RAD23B: variants seen among roughly 807,000 people sequenced by gnomAD.
RAD23B encodes the protein lysine-specific demethylase RAD23B.
In RAD23B, 5 loss-of-function variants were observed where a neutral mutation model predicts 49.1. That is an observed-to-expected ratio of 0.10 (90% CI 0.05 to 0.21). The LOEUF (loss-of-function observed/expected upper bound fraction) is 0.21, where lower values mean the gene tolerates loss of function less well. Ranked by LOEUF, RAD23B falls within the 10% of genes least tolerant of loss-of-function variation. RAD23B has a pLI of 1.00. For missense variants in RAD23B, 356 were observed against 486.7 expected (o/e 0.73, Z 2.53); for synonymous variants, 184 against 165.4 (o/e 1.11, Z -0.86).
At chr9:107,326,270 T>G (rs1057407679) in intron 9 of RAD23B, among the ~76,000 whole-genome samples, 1 of 151,970 alleles carries the variant, frequency 6.6e-6, no homozygotes, top group African/African-American at 2.4e-5. Context: ...TGGAAGTATT[T>G]ATTAAGAATT....
intron 1 of RAD23B, among the ~76,000 whole-genome samples, chr9:107,298,371 T>TG (rs1826577297): frequency 6.6e-6 from 1 of 151,698 alleles, no homozygotes; most frequent in Non-Finnish European, 1.5e-5. Context: ...TGGAGTGCAG[T>TG]GGTATGATCT....
chr9:107,317,756 A>G (rs938061172), intron 5 of RAD23B, among the ~76,000 whole-genome samples: 19 of 151,872 alleles, frequency 1.3e-4, no homozygotes, highest in African/African-American at 4.1e-4. Context: ...AGGTAAGTTT[A>G]TGAGGAAAAT....
intron 6 of RAD23B, among the ~76,000 whole-genome samples, chr9:107,320,959 A>G (rs376170139): frequency 5.9e-5 from 9 of 152,326 alleles, no homozygotes; most frequent in East Asian, 5.8e-4. Flanking sequence ...AGCATTTATC[A>G]TCTTATTCAA....
intron 9 of RAD23B, among the ~76,000 whole-genome samples, chr9:107,326,252 C>T (rs1827199392): frequency 6.6e-6 from 1 of 151,826 alleles, no homozygotes; most frequent in Non-Finnish European, 1.5e-5. Context: ...TTATTCTCTC[C>T]TGTTGTCTGG....
chr9:107,329,700 C>A lies in RAD23B; in HGVS notation c.*44C>A, dbSNP rs1384866383. 2 of 1,149,536 alleles carry A rather than the reference C, an allele frequency of 1.7e-6. No individual in the cohort carries two copies. Among genetic ancestry groups the A allele is most frequent in the South Asian group, 2.5e-5 (2 of 81,394 alleles). 71.2% of individuals were successfully genotyped at this position (1,149,536 alleles called of 1,614,324 possible). A position where few individuals can be genotyped will look rare whatever the true frequency, so the allele number is the denominator to read the frequency against. ...TCACACTTCACACCAGTGCATTACA[C>A]TAACTTGTTCACTGGATTGTCTGGG... is the stretch of plus-strand genomic sequence containing the variant. On this transcript the variant is annotated 3_prime_UTR_variant, in exon 10 of 10. Coordinates refer to ENST00000358015, the MANE Select transcript of RAD23B (RefSeq NM_002874.5).
At chr9:107,312,299 G>A (rs543328324) in intron 5 of RAD23B, among the ~76,000 whole-genome samples, 1 of 152,266 alleles carries the variant, frequency 6.6e-6, no homozygotes, top group East Asian at 1.9e-4. Context: ...CTCTGATACA[G>A]TTCCTGCTAA....
At chr9:107,315,896 A>G (rs571945189) in intron 5 of RAD23B, among the ~76,000 whole-genome samples, 1 of 152,204 alleles carries the variant, frequency 6.6e-6, no homozygotes, top group South Asian at 2.1e-4. Context: ...TTTTTTTGAG[A>G]TTGTATAATT....
intron 1 of RAD23B, among the ~76,000 whole-genome samples, chr9:107,288,491 G>C (rs1833319951): frequency 6.6e-6 from 1 of 152,228 alleles, no homozygotes; most frequent in South Asian, 2.1e-4. Context: ...TGTAGCCCAA[G>C]CTGGAGTGCA....
At chr9:107,310,066 GTC>G (rs1826862118) in intron 4 of RAD23B, among the ~76,000 whole-genome samples, 1 of 152,034 alleles carries the variant, frequency 6.6e-6, no homozygotes, top group Non-Finnish European at 1.5e-5. Flanking sequence ...AGAAAGATTG[GTC>G]AGCGAAATCA....
intron 2 of RAD23B, 141 bp from the exon 3 acceptor site, chr9:107,301,885 TTGGGAAAAG>T: frequency 8.5e-7 from 1 of 1,171,856 alleles, no homozygotes; most frequent in Non-Finnish European, 1.1e-6. Context: ...TGGTTTTTCT[TTGGGAAAAG>T]TATTAACTGA....
chr9:107,303,845 T>C (rs1055200741), intron 3 of RAD23B, among the ~76,000 whole-genome samples: 1 of 152,306 alleles, frequency 6.6e-6, no homozygotes, highest in East Asian at 1.9e-4. Flanking sequence ...TCTTTTAATA[T>C]TACAGTGATC....
intron 1 of RAD23B, among the ~76,000 whole-genome samples, chr9:107,297,553 C>G (rs751471271): frequency 2.6e-5 from 4 of 152,082 alleles, no homozygotes; most frequent in Non-Finnish European, 4.4e-5. Context: ...GTTGGCCAGG[C>G]TGGTCTCGAA....
chr9:107,289,376 G>A (rs575193060), intron 1 of RAD23B, among the ~76,000 whole-genome samples: 1 of 151,944 alleles, frequency 6.6e-6, no homozygotes, highest in African/African-American at 2.4e-5. Flanking sequence ...TGTAGGGATG[G>A]GGTCTTGATG....
intron 9 of RAD23B, among the ~76,000 whole-genome samples, chr9:107,328,807 T>C (rs1208389620): frequency 6.6e-6 from 1 of 152,084 alleles, no homozygotes; most frequent in Non-Finnish European, 1.5e-5. Flanking sequence ...TTGAGGAGGG[T>C]GACATTTGGC....
At chr9:107,326,921 G>C (rs1021058126) in intron 9 of RAD23B, among the ~76,000 whole-genome samples, 6 of 152,036 alleles carry the variant, frequency 3.9e-5, no homozygotes, top group Admixed American at 2.0e-4. Context: ...TTACAGGCGT[G>C]AGCCACTGCA....
At chr9:107,315,426 G>A (rs939986390) in intron 5 of RAD23B, among the ~76,000 whole-genome samples, 1 of 152,064 alleles carries the variant, frequency 6.6e-6, no homozygotes, top group African/African-American at 2.4e-5. Flanking sequence ...AGCTTATTCT[G>A]AATGACATAT....
At chr9:107,293,715 A>G (rs928370371) in intron 1 of RAD23B, among the ~76,000 whole-genome samples, 18 of 152,228 alleles carry the variant, frequency 1.2e-4, no homozygotes, top group African/African-American at 4.1e-4. Flanking sequence ...TCATTATACT[A>G]TCATAGGAAT....
At chr9:107,322,550 A>G (rs1827130876) in intron 7 of RAD23B, among the ~76,000 whole-genome samples, 1 of 152,224 alleles carries the variant, frequency 6.6e-6, no homozygotes, top group South Asian at 2.1e-4. Flanking sequence ...AAAACCTTGT[A>G]TCTAGAGGAG....
intron 9 of RAD23B, among the ~76,000 whole-genome samples, chr9:107,326,627 C>CTTTTTTTTTTTTTTT (rs796381629): frequency 1.0e-4 from 7 of 67,510 alleles, no homozygotes; most frequent in African/African-American, 1.9e-4. Flanking sequence ...TTTTGTATTT[C>CTTTTTTTTTTTTTTT]TTTTTTTTTT....
Sources: gnomAD v4.1 joint callset for allele counts (sites outside exome capture counted in the v4.1 genomes callset) on GRCh38, gnomAD v4.1.1 for gene constraint, MANE v1.5 for transcripts, NCBI Gene and HGNC (gene_info 2026-07-23, HGNC 2026-07-21) for gene names.